The following MTBP variants were observed in gnomAD, a reference collection of about 807,000 sequenced individuals.
MTBP encodes MDM2 binding protein, also known as mdm2-binding protein.
In MTBP, 101 loss-of-function variants were observed where a neutral mutation model predicts 117.0. The observed-to-expected ratio is 0.86, with a 90% CI of 0.73 to 1.02. The LOEUF (loss-of-function observed/expected upper bound fraction) is 1.02. MTBP is among the 50% of genes least tolerant of loss of function. The probability of loss-of-function intolerance (pLI) is 0.00; values close to 1 mark genes in which losing one functional copy is unlikely to be tolerated. For missense variants in MTBP, 970 were observed against 1,030.9 expected (o/e 0.94, Z 0.81); for synonymous variants, 350 against 351.5 (o/e 1.00, Z 0.05).
Position 120,456,608 on chromosome 8 carries a change from C to T in MTBP, c.685C>T (p.Leu229Phe). ...LSANVVSLEDLRNVIDSKELW... is the reference protein window; with the variant it reads ...LSANVVSLEDFRNVIDSKELW... ...TGCTAATGTTGTATCTTTAGAAGATCTCAGAAATGTTATTGACTCAAAGGA... is the reference window on the plus strand; with the variant it reads ...TGCTAATGTTGTATCTTTAGAAGATTTCAGAAATGTTATTGACTCAAAGGA... Residue 229 changes from leucine (L) to phenylalanine (F), a missense_variant, in exon 7 of 22, where the codon CTC (leucine) becomes TTC (phenylalanine). Coordinates refer to ENST00000305949, the MANE Select transcript of MTBP (RefSeq NM_022045.5). 6.2e-7 allele frequency: 1 copy of T among 1,600,502 alleles called. No individual in the cohort carries two copies. Among genetic ancestry groups the T allele is most frequent in the Non-Finnish European group, 8.5e-7 (1 of 1,171,850 alleles).
rs193195067 is a variant in MTBP, at chr8:120,520,872, G to A, written c.2611-1782G>A. Among the ~76,000 whole-genome samples, 56 of 152,180 alleles carry A rather than the reference G, an allele frequency of 3.7e-4. 1 individual carries two copies. The East Asian group carries it at 9.8e-3, about 27-fold the overall frequency. ...CTATACCCAGTCTGGAATGCAGTCA[G>A]GTATGAGGATTTAATGAAGATACAT... is the stretch of plus-strand genomic sequence containing the variant. On this transcript the variant is annotated intron_variant, in intron 20 of 21. Transcript: ENST00000305949.
chr8:120,454,288 A>T (rs1209645514), intron 5 of MTBP, among the ~76,000 whole-genome samples: 1 of 152,118 alleles, frequency 6.6e-6, no homozygotes, highest in African/African-American at 2.4e-5. Context: ...TTTGGATAAC[A>T]TTCTTTTATG....
chr8:120,446,339 C>A, intron 1 of MTBP, 94 bp from the exon 2 acceptor site: 1 of 765,848 alleles, frequency 1.3e-6, no homozygotes, highest in Admixed American at 1.9e-5. Flanking sequence ...TATGTACAAC[C>A]TACTGGTCTT....
rs59706254 is a variant in MTBP at position 120,501,190 on chromosome 8, C to CAAA, written c.1610-1282_1610-1280dup. ...TGGGTGACAGAGTGAAACTCCATCT[C>CAAA]AAAAAAAAAAAAAAAAAAAAAATTA... is the stretch of plus-strand genomic sequence containing the variant. On this transcript the variant is annotated intron_variant, in intron 14 of 21. Transcript: ENST00000305949. 2.0e-3 allele frequency among the ~76,000 whole-genome samples: 90 copies of CAAA among 45,960 alleles called. 5 individuals are homozygous for CAAA. The highest frequency in any genetic ancestry group is 7.3e-3 in the African/African-American group (75 of 10,252). 30.2% of individuals were successfully genotyped at this position (45,960 alleles called of 152,430 possible).
chr8:120,481,974 T>A, intron 11 of MTBP, among the ~76,000 whole-genome samples: 1 of 152,196 alleles, frequency 6.6e-6, no homozygotes, highest in Admixed American at 6.5e-5. Context: ...ATTTAGGTCC[T>A]TCAATCTAAA....
At position 120,488,230 on chromosome 8, in the gene MTBP, T is replaced by G; in HGVS notation, c.1237T>G (p.Cys413Gly). The change falls in exon 12 of 22, where the codon TGT becomes GGT. Residue 413 changes from cysteine to glycine, a missense_variant. By Grantham distance (159) the Cys-to-Gly change is radical. Transcript: ENST00000305949. Reference protein sequence around the residue: ...LLLQGNGNRRCKATLIHSANQ... With the variant: ...LLLQGNGNRRGKATLIHSANQ... ...GTTACAAGGTAATGGCAATAGAAGA[T>G]GTAAAGCCACATTGATTCACTCAGC... 1 of 1,597,754 alleles carries G rather than the reference T, an allele frequency of 6.3e-7. No individual in the cohort carries two copies. Among genetic ancestry groups the G allele is most frequent in the Non-Finnish European group, 8.5e-7 (1 of 1,174,250 alleles).
chr8:120,481,136 C>G (rs763049517), intron 11 of MTBP, among the ~76,000 whole-genome samples: 1 of 152,154 alleles, frequency 6.6e-6, no homozygotes, highest in South Asian at 2.1e-4. Context: ...AAATGTGATT[C>G]TACAACACAC....
Position 120,488,197 on chromosome 8 carries a change from T to C in MTBP, c.1204T>C (p.Tyr402His), listed in dbSNP as rs1814258746. The C allele has an allele frequency of 1.3e-6, 2 of 1,592,596 alleles. No homozygotes were observed. Among genetic ancestry groups the C allele is most frequent in the Non-Finnish European group, 1.7e-6 (2 of 1,172,748 alleles). ...AGTGAAAGGAGAGTGTTCTAGCTAT[T>C]ATCTCTTGTTACAAGGTAATGGCAA... is the stretch of plus-strand genomic sequence containing the variant. ...VEVKGECSSY[Y>H]LLLQGNGNRR... is the part of the protein sequence containing the mutation. The change falls in exon 12 of 22, where the codon TAT becomes CAT. Residue 402 changes from tyrosine (Y) to histidine (H), a missense_variant. Transcript: ENST00000305949.
In MTBP at chr8:120,446,459, C is replaced by G. The variant is rs770375569; in HGVS notation, c.145C>G (p.Leu49Val). 1.9e-6 allele frequency: 3 copies of G among 1,609,610 alleles called. No homozygotes were observed. The highest frequency in any genetic ancestry group is 2.7e-5 in the African/African-American group (2 of 74,898). ...PDFTAANVYH[L>V]LKRSISASIN... is the part of the protein sequence containing the mutation. ...CTTCACAGCAGCAAATGTTTATCAC[C>G]TCTTGAAAAGAAGCATTAGTGCTTC... Residue 49 changes from leucine to valine, a missense_variant, in exon 2 of 22, where the codon CTC becomes GTC. By Grantham distance (32) the Leu-to-Val change is conservative. Coordinates refer to ENST00000305949, the MANE Select transcript of MTBP (RefSeq NM_022045.5).
chr8:120,467,734 C>A (rs532059513), intron 10 of MTBP, among the ~76,000 whole-genome samples: 2 of 151,306 alleles, frequency 1.3e-5, no homozygotes, highest in South Asian at 4.1e-4. Context: ...TGGGTGAGAA[C>A]AAGTTATCAG....
At chr8:120,491,267 C>T (rs1198243866) in intron 13 of MTBP, among the ~76,000 whole-genome samples, 2 of 151,938 alleles carry the variant, frequency 1.3e-5, no homozygotes, top group Non-Finnish European at 2.9e-5. Flanking sequence ...TTATATATTA[C>T]ATATATTATA....
At chr8:120,513,333 T>C (rs756658690) in intron 17 of MTBP, among the ~76,000 whole-genome samples, 4 of 152,102 alleles carry the variant, frequency 2.6e-5, no homozygotes, top group South Asian at 2.1e-4. Flanking sequence ...CATTGTCTTA[T>C]GGGTGTTTTT....
chr8:120,483,849 T>A (rs1463213529), intron 11 of MTBP, among the ~76,000 whole-genome samples: 2 of 152,030 alleles, frequency 1.3e-5, no homozygotes, highest in Non-Finnish European at 2.9e-5. Context: ...TAGACAGACT[T>A]TTTTTTAGTA....
At chr8:120,502,870 A>G (rs10093792) in intron 15 of MTBP, among the ~76,000 whole-genome samples, 87,231 of 152,040 alleles carry the variant, frequency 0.57, 26,519 homozygotes, top group Non-Finnish European at 0.67. Context: ...CTTTCAGACC[A>G]TCTTCCATAG....
In MTBP at chr8:120,513,834, G is replaced by A. The variant is rs532507392; in HGVS notation, c.1980-2091G>A. Reference sequence around the variant, plus strand: ...CTACCAATTACCCATGATAGAAGTCGGACTCATCAGTAACCCTTAGGGTTG... The same window carrying A: ...CTACCAATTACCCATGATAGAAGTCAGACTCATCAGTAACCCTTAGGGTTG... On this transcript the variant is annotated intron_variant, in intron 17 of 21. Transcript: ENST00000305949. Among the ~76,000 whole-genome samples, 26 of 151,874 alleles carry A rather than the reference G, an allele frequency of 1.7e-4. No individual in the cohort carries two copies. In the South Asian group the frequency reaches 4.6e-3, roughly 27 times the overall value.
chr8:120,516,577 G>A (rs1175300200), intron 18 of MTBP, among the ~76,000 whole-genome samples: 1 of 151,932 alleles, frequency 6.6e-6, no homozygotes, highest in Non-Finnish European at 1.5e-5. Context: ...TTGAGCAAGA[G>A]ATTCCATGAG....
intron 1 of MTBP, 21 bp downstream of exon 1, chr8:120,445,609 G>C (rs1158487609): frequency 6.3e-7 from 1 of 1,577,034 alleles, no homozygotes; most frequent in Non-Finnish European, 8.6e-7. Flanking sequence ...GGATGAGAAA[G>C]AGCGGGAACG....
chr8:120,480,797 C>T (rs1361154065), intron 11 of MTBP, among the ~76,000 whole-genome samples: 1 of 151,988 alleles, frequency 6.6e-6, no homozygotes, highest in Non-Finnish European at 1.5e-5. Flanking sequence ...TGTAAGATAA[C>T]ATAGATAACA....
intron 12 of MTBP, among the ~76,000 whole-genome samples, chr8:120,489,416 G>A (rs1645575648): frequency 6.6e-6 from 1 of 152,170 alleles, no homozygotes; most frequent in Non-Finnish European, 1.5e-5. Context: ...CTAGCTAGAA[G>A]TCATTCAGTG....
Sources: allele counts gnomAD v4.1 joint callset (sites outside exome capture counted in the v4.1 genomes callset), GRCh38; gene constraint gnomAD v4.1.1; transcripts MANE v1.5; gene names NCBI Gene and HGNC (gene_info 2026-07-23, HGNC 2026-07-21).